The following SNTG2 variants were observed in gnomAD, a reference collection of about 807,000 sequenced individuals.
The protein encoded by SNTG2 is syntrophin gamma 2.
In SNTG2, 74 loss-of-function variants were observed where a neutral mutation model predicts 70.9. The observed-to-expected ratio is 1.04, with a 90% CI of 0.86 to 1.27. The LOEUF (loss-of-function observed/expected upper bound fraction) is 1.27, where lower values mean the gene tolerates loss of function less well. SNTG2 is among the 50% of genes most tolerant of loss of function. The probability of loss-of-function intolerance (pLI) is 0.00; values close to 1 mark genes in which losing one functional copy is unlikely to be tolerated. For synonymous variants in SNTG2, 278 were observed against 273.8 expected (o/e 1.02, Z -0.15); for missense variants, 717 against 690.7 (o/e 1.04, Z -0.43).
intron 6 of SNTG2, among the ~76,000 whole-genome samples, chr2:1,144,643 A>C (rs541756013): frequency 6.6e-6 from 1 of 152,320 alleles, no homozygotes; most frequent in African/African-American, 2.4e-5. Flanking sequence ...CACATCTTAC[A>C]TGGTGGCAGA....
At chr2:1,060,361 G>A (rs1184299451) in intron 1 of SNTG2, among the ~76,000 whole-genome samples, 1 of 152,206 alleles carries the variant, frequency 6.6e-6, no homozygotes, top group African/African-American at 2.4e-5. Flanking sequence ...GTGTGTATGT[G>A]TGTACTGTGT....
intron 1 of SNTG2, among the ~76,000 whole-genome samples, chr2:977,163 G>A (rs1288297798): frequency 3.3e-5 from 5 of 152,234 alleles, no homozygotes; most frequent in Non-Finnish European, 7.3e-5. Flanking sequence ...TCCTATCACT[G>A]ACAGGCAGTA....
chr2:1,127,591 TTA>T (rs903086136), intron 4 of SNTG2, among the ~76,000 whole-genome samples: 21 of 152,152 alleles, frequency 1.4e-4, no homozygotes, highest in African/African-American at 4.8e-4. Flanking sequence ...TGTGAACACG[TTA>T]TGTCATTCCT....
At chr2:1,065,212 G>A (rs565733682) in intron 1 of SNTG2, among the ~76,000 whole-genome samples, 1 of 152,102 alleles carries the variant, frequency 6.6e-6, no homozygotes, top group Non-Finnish European at 1.5e-5. Context: ...GACTTACCAG[G>A]CACTGTGCTC....
At chr2:983,757 T>C (rs1661209504) in intron 1 of SNTG2, among the ~76,000 whole-genome samples, 1 of 152,156 alleles carries the variant, frequency 6.6e-6, no homozygotes. Flanking sequence ...CAGAATATAT[T>C]GAGTAGAGGG....
chr2:1,324,730 T>A (rs1681691779), intron 16 of SNTG2, among the ~76,000 whole-genome samples: 1 of 152,218 alleles, frequency 6.6e-6, no homozygotes, highest in South Asian at 2.1e-4. Flanking sequence ...GTTTTAGTTT[T>A]ATTATGTTAG....
chr2:1,341,684 T>C (rs1281451483), intron 16 of SNTG2: 1 of 152,144 alleles, frequency 6.6e-6, no homozygotes, highest in Non-Finnish European at 1.5e-5. Context: ...CAAATGAGAC[T>C]CCAGTGAGTT....
chr2:1,012,610 G>GGA (rs1558309896), intron 1 of SNTG2, among the ~76,000 whole-genome samples: 11 of 132,708 alleles, frequency 8.3e-5, no homozygotes, highest in African/African-American at 3.1e-4. Flanking sequence ...AGGGTGGTCT[G>GGA]GAAAGGGATT....
At chr2:1,141,019 T>C (rs1160431164) in intron 6 of SNTG2, among the ~76,000 whole-genome samples, 1 of 152,184 alleles carries the variant, frequency 6.6e-6, no homozygotes, top group East Asian at 1.9e-4. Flanking sequence ...GTTGACATCT[T>C]ATGTTGGGAA....
intron 8 of SNTG2, among the ~76,000 whole-genome samples, chr2:1,190,350 G>T (rs1362642393): frequency 1.3e-5 from 2 of 151,340 alleles, no homozygotes; most frequent in Non-Finnish European, 2.9e-5. Flanking sequence ...TGTGTAAATA[G>T]TTCCTACTCT....
At position 1,114,554 on chromosome 2, in the gene SNTG2, C is replaced by G. The variant is rs113528146; in HGVS notation, c.325+16144C>G. 4.1e-4 allele frequency among the ~76,000 whole-genome samples: 57 copies of G among 138,348 alleles called. 1 individual carries two copies. The highest frequency in any genetic ancestry group is 1.4e-3 in the African/African-American group (48 of 35,098). The allele number at this position is 138,348 out of a possible 152,430, so 90.8% of individuals were successfully genotyped here. A position where few individuals can be genotyped will look rare whatever the true frequency, so the allele number is the denominator to read the frequency against. On this transcript the variant is annotated intron_variant, in intron 4 of 16. Coordinates refer to ENST00000308624, the MANE Select transcript of SNTG2 (RefSeq NM_018968.4). The stretch of plus-strand genomic sequence containing the variant: ...TACAGTCCTTTGAGAAGGATCTTCT[C>G]TACTAAGTGAGGTTTAACCCTTAGA...
At chr2:1,049,838 A>G (rs1005153205) in intron 1 of SNTG2, among the ~76,000 whole-genome samples, 1 of 152,106 alleles carries the variant, frequency 6.6e-6, no homozygotes, top group Non-Finnish European at 1.5e-5. Context: ...CAGCCCTTCT[A>G]ATTGGTGTGT....
At chr2:951,248 C>G (rs1211838641) in intron 1 of SNTG2, among the ~76,000 whole-genome samples, 180 bp downstream of exon 1, 1 of 152,170 alleles carries the variant, frequency 6.6e-6, no homozygotes, top group African/African-American at 2.4e-5. Context: ...GGCACCCGCC[C>G]CCTGGCCGCT....
intron 16 of SNTG2, among the ~76,000 whole-genome samples, chr2:1,342,187 G>C (rs1660140371): frequency 6.6e-6 from 1 of 152,044 alleles, no homozygotes; most frequent in Non-Finnish European, 1.5e-5. Flanking sequence ...TCACTCCTTA[G>C]ACAAGGCCGG....
At chr2:1,085,210 C>G (rs4971433) in intron 2 of SNTG2, among the ~76,000 whole-genome samples, 115,721 of 152,208 alleles carry the variant, frequency 0.76, 44,629 homozygotes, top group Admixed American at 0.87. Flanking sequence ...ATCAAGGAAG[C>G]TTTCGTAATC....
intron 14 of SNTG2, among the ~76,000 whole-genome samples, chr2:1,269,068 T>C (rs1009002044): frequency 2.6e-5 from 4 of 152,146 alleles, no homozygotes; most frequent in Admixed American, 6.5e-5. Context: ...GGTGAAAGGT[T>C]AGTAATTTCA....
rs1553362127 is a variant in SNTG2 at position 1,222,031 on chromosome 2, A to G, written c.719+12801A>G. Among the ~76,000 whole-genome samples the G allele has an allele frequency of 6.0e-3, 9 of 1,498 alleles. 1 individual carries two copies. Among genetic ancestry groups the G allele is most frequent in the Non-Finnish European group, 8.6e-3 (7 of 816 alleles). 1.0% of individuals were successfully genotyped at this position (1,498 alleles called of 152,430 possible). Reference sequence around the variant, plus strand: ...TCTCTGTCTCTCTCTGTCTCTGCCTATCTCTGTCTCTCTCTGTCTCTCTCT... The same window carrying G: ...TCTCTGTCTCTCTCTGTCTCTGCCTGTCTCTGTCTCTCTCTGTCTCTCTCT... On this transcript the variant is annotated intron_variant, in intron 9 of 16. Transcript: ENST00000308624.
intron 8 of SNTG2, among the ~76,000 whole-genome samples, chr2:1,183,171 T>C (rs955669112): frequency 3.9e-5 from 6 of 152,246 alleles, no homozygotes; most frequent in African/African-American, 1.4e-4. Flanking sequence ...TGACATTATA[T>C]GCAGCAGTAG....
chr2:1,262,778 GCAGACGAGGTAACCGGAAGGCTCGGTC>G (rs1558611169), intron 13 of SNTG2: 1 of 142,426 alleles, frequency 7.0e-6, no homozygotes, highest in South Asian at 2.4e-4. Flanking sequence ...AAGGCTCCGT[GCAGACGAGGTAACCGGAAGGCTCGGTC>G]CAGACGACGA....
Sources: gnomAD v4.1 joint callset for allele counts (sites outside exome capture counted in the v4.1 genomes callset) on GRCh38, gnomAD v4.1.1 for gene constraint, MANE v1.5 for transcripts, NCBI Gene and HGNC (gene_info 2026-07-23, HGNC 2026-07-21) for gene names.